Variants in GNG7 observed in about 807,000 individuals in gnomAD.
The protein encoded by GNG7 is guanine nucleotide-binding protein G(I)/G(S)/G(O) subunit gamma-7.
A neutral mutation model predicts 4.0 loss-of-function variants in GNG7; 1 was observed. The ratio of observed to expected loss-of-function variants is 0.25; its 90% CI spans 0.09 to 1.18. The LOEUF is 1.18. GNG7 is among the 50% of genes most tolerant of loss of function. The probability of loss-of-function intolerance (pLI) is 0.50; values close to 1 mark genes in which losing one functional copy is unlikely to be tolerated. For synonymous variants in GNG7, 34 were observed against 36.9 expected (o/e 0.92, Z 0.29); for missense variants, 86 against 91.9 (o/e 0.94, Z 0.26).
intron 2 of GNG7, among the ~76,000 whole-genome samples, chr19:2,572,956 C>T (rs573432771): frequency 1.1e-4 from 16 of 151,732 alleles, no homozygotes; most frequent in South Asian, 6.3e-4. Context: ...CAGTCACCCC[C>T]GTCTCCTCCA....
At chr19:2,608,581 A>C (rs1470370127) in intron 2 of GNG7, among the ~76,000 whole-genome samples, 1 of 152,206 alleles carries the variant, frequency 6.6e-6, no homozygotes, top group Non-Finnish European at 1.5e-5. Context: ...AGCAACCTGG[A>C]AACCTGGAGG....
chr19:2,513,993 T>G lies in GNG7; in HGVS notation c.*1029A>C, dbSNP rs1015335240. The G allele has an allele frequency of 1.3e-5, 2 of 152,170 alleles. No homozygotes were observed. The highest frequency in any genetic ancestry group is 6.6e-5 in the Admixed American group (1 of 15,240). 9.4% of individuals were successfully genotyped at this position (152,170 alleles called of 1,614,324 possible). On this transcript the variant is annotated 3_prime_UTR_variant, in exon 5 of 5. Transcript: ENST00000382159. ...GTGGGCGGATCCCGAGGTCAGGAGT[T>G]TGAGAGCGGCCTGGCCAATACGGTG...
intron 1 of GNG7, among the ~76,000 whole-genome samples, chr19:2,651,863 A>C (rs1283313429): frequency 1.3e-5 from 2 of 151,704 alleles, no homozygotes; most frequent in Admixed American, 6.6e-5. Flanking sequence ...ACCGTGCCTG[A>C]CCAATTTCTT....
chr19:2,594,541 G>A (rs1980958027), intron 2 of GNG7, among the ~76,000 whole-genome samples: 1 of 152,150 alleles, frequency 6.6e-6, no homozygotes, highest in East Asian at 1.9e-4. Flanking sequence ...GTCTCTCTGA[G>A]TGTCGTCACC....
chr19:2,680,143 TCTTTTTTTTTTTTTTTTTTTTTGAGACAG>T (rs1283765104), intron 1 of GNG7, among the ~76,000 whole-genome samples: 1 of 137,926 alleles, frequency 7.3e-6, no homozygotes, highest in Non-Finnish European at 1.5e-5. Flanking sequence ...AGACCTTGTC[TCTTTTTTTTTTTTTTTTTTTTTGAGACAG>T]AGTCTCGCTC....
rs1981777899 is a variant in GNG7, at chr19:2,618,365, G to C, written c.-78+27859C>G. On this transcript the variant is annotated intron_variant, in intron 2 of 4. Coordinates refer to ENST00000382159, the MANE Select transcript of GNG7 (RefSeq NM_052847.3). The surrounding 1 kb of genome is among the most constrained non-coding windows in gnomAD (Gnocchi z 5.1). ...GTGGTGTGTGTGTGTGTGTGTGTGT[G>C]TGTGTGTGTATCTCACTCTGTTGCC... is the stretch of plus-strand genomic sequence containing the variant. Among the ~76,000 whole-genome samples, 1 of 149,522 alleles carries C rather than the reference G, an allele frequency of 6.7e-6. No individual in the cohort carries two copies. The highest frequency in any genetic ancestry group is 2.5e-5 in the African/African-American group (1 of 39,490).
intron 1 of GNG7, 89 bp from the exon 2 acceptor site, chr19:2,646,369 G>A (rs1404848415): frequency 6.6e-6 from 1 of 152,128 alleles, no homozygotes; most frequent in South Asian, 2.1e-4. Context: ...GAACGGCCTC[G>A]CGCTTGTGAT....
intron 3 of GNG7, among the ~76,000 whole-genome samples, chr19:2,539,264 A>G (rs1220048106): frequency 6.6e-6 from 1 of 151,696 alleles, no homozygotes; most frequent in Non-Finnish European, 1.5e-5. Context: ...ACGACAATAA[A>G]TTAAGGATAT....
rs56125421 is a variant in GNG7, at chr19:2,648,027, C to CAA, written c.-134-1749_-134-1748dup. Among the ~76,000 whole-genome samples the CAA allele has an allele frequency of 8.0e-3, 514 of 64,024 alleles. 11 individuals are homozygous for CAA. Among genetic ancestry groups the CAA allele is most frequent in the Middle Eastern group, 0.011 (1 of 92 alleles). 42.0% of individuals were successfully genotyped at this position (64,024 alleles called of 152,430 possible). A position where few individuals can be genotyped will look rare whatever the true frequency, so the allele number is the denominator to read the frequency against. On this transcript the variant is annotated intron_variant, in intron 1 of 4. Coordinates refer to ENST00000382159, the MANE Select transcript of GNG7 (RefSeq NM_052847.3). ...TGGGTGACAGAACGAGACCCTGTCT[C>CAA]AAAAAAAAAAAAAAAAAAAAAAGCC...
intron 1 of GNG7, among the ~76,000 whole-genome samples, chr19:2,688,335 G>A (rs1020334156): frequency 7.2e-5 from 11 of 152,190 alleles, no homozygotes; most frequent in African/African-American, 2.7e-4. Flanking sequence ...CAGTGCTCTG[G>A]GGAAGTGGGG....
chr19:2,580,853 C>T (rs902753493), intron 2 of GNG7, among the ~76,000 whole-genome samples: 4 of 152,118 alleles, frequency 2.6e-5, no homozygotes, highest in African/African-American at 9.7e-5. Flanking sequence ...CAACCTCCCC[C>T]TCCCAGGTTC....
At chr19:2,522,424 C>T (rs1325133778) in intron 3 of GNG7, among the ~76,000 whole-genome samples, 3 of 152,056 alleles carry the variant, frequency 2.0e-5, no homozygotes, top group South Asian at 2.1e-4. Context: ...GCCAGGCAGC[C>T]GCAGAGAAGT....
Position 2,653,367 on chromosome 19 carries a change from C to T in GNG7, c.-134-7087G>A, listed in dbSNP as rs1291554543. Among the ~76,000 whole-genome samples, 2 of 152,104 alleles carry T rather than the reference C, an allele frequency of 1.3e-5. No individual in the cohort carries two copies. The highest frequency in any genetic ancestry group is 2.4e-5 in the African/African-American group (1 of 41,430). ...TTCCGCAGCAGGGCAGATGAGGGATCGATCTGAGTCCCATGATCCTCGGCC... is the reference window on the plus strand; with the variant it reads ...TTCCGCAGCAGGGCAGATGAGGGATTGATCTGAGTCCCATGATCCTCGGCC... On this transcript the variant is annotated intron_variant, in intron 1 of 4. Transcript: ENST00000382159. This position sits in a 1 kb window ranked among gnomAD's most constrained non-coding sequence, Gnocchi z 4.8.
At chr19:2,537,970 A>G (rs13343670) in intron 3 of GNG7, 236,756 of 366,846 alleles carry the variant, frequency 0.65, 77,642 homozygotes, top group East Asian at 0.93. Flanking sequence ...CCAGCTACTC[A>G]GGAGGCTGAG....
chr19:2,673,606 T>A lies in GNG7; in HGVS notation c.-134-27326A>T, dbSNP rs1983520312. Among the ~76,000 whole-genome samples, 3 of 149,312 alleles carry A rather than the reference T, an allele frequency of 2.0e-5. No homozygotes were observed. In the East Asian group the frequency reaches 6.0e-4, roughly 30 times the overall value. On this transcript the variant is annotated intron_variant, in intron 1 of 4. Transcript: ENST00000382159. The stretch of plus-strand genomic sequence containing the variant: ...TACTTGGGAGGCTGAGGCAGGAGGA[T>A]CATTTGAACCCAGGAGGTGGAGGTT...
In GNG7 at chr19:2,513,391, G is replaced by A. The variant is rs887008192; in HGVS notation, c.*1631C>T. 4.7e-6 allele frequency: 3 copies of A among 634,360 alleles called. No individual in the cohort carries two copies. Among genetic ancestry groups the A allele is most frequent in the Middle Eastern group, 8.3e-4 (1 of 1,208 alleles). The allele number at this position is 634,360 out of a possible 1,614,324, so 39.3% of individuals were successfully genotyped here. ...GGGTCGGGGCGGCCAGGCCTCCTGCGATCAGGGCTGCGTGGGGTCCATCTC... is the reference window on the plus strand; with the variant it reads ...GGGTCGGGGCGGCCAGGCCTCCTGCAATCAGGGCTGCGTGGGGTCCATCTC... On this transcript the variant is annotated 3_prime_UTR_variant, in exon 5 of 5. Coordinates refer to ENST00000382159, the MANE Select transcript of GNG7 (RefSeq NM_052847.3).
At chr19:2,581,443 ACAGGGGG>A in intron 2 of GNG7, among the ~76,000 whole-genome samples, 1 of 152,102 alleles carries the variant, frequency 6.6e-6, no homozygotes, top group East Asian at 1.9e-4. Flanking sequence ...TTCCCAAACC[ACAGGGGG>A]GTGAGAACAG....
intron 2 of GNG7, chr19:2,595,407 T>G (rs546298790): frequency 1.3e-5 from 2 of 151,920 alleles, no homozygotes; most frequent in South Asian, 2.1e-4. Context: ...GCTGGGATTA[T>G]AGGTGTGAGC....
intron 1 of GNG7, among the ~76,000 whole-genome samples, chr19:2,661,302 G>GAAAGAGAA: frequency 2.6e-4 from 19 of 73,116 alleles, no homozygotes; most frequent in Admixed American, 1.1e-3. Flanking sequence ...AAGAAAGAAA[G>GAAAGAGAA]AGAAAGAAAG....
Sources: allele counts gnomAD v4.1 joint callset (sites outside exome capture counted in the v4.1 genomes callset), GRCh38; gene constraint gnomAD v4.1.1; non-coding constraint Gnocchi (gnomAD v3.1); transcripts MANE v1.5; gene names NCBI Gene and HGNC (gene_info 2026-07-23, HGNC 2026-07-21).